Variants in RTN4 observed in about 807,000 individuals in gnomAD.
The protein encoded by RTN4 is reticulon 4, also known as reticulon-4.
In RTN4, 32 loss-of-function variants were observed where a neutral mutation model predicts 90.4. That is an observed-to-expected ratio of 0.35 (90% confidence interval 0.27 to 0.48). The LOEUF is 0.48. Among genes scored for constraint, RTN4 ranks in the 20% least tolerant of loss-of-function variants. RTN4 has a pLI of 0.99. For synonymous variants in RTN4, 629 were observed against 552.5 expected, an observed-to-expected ratio of 1.14 and a Z score of -1.94; for missense variants, 1,706 against 1,430.2, an observed-to-expected ratio of 1.19 and a Z score of -3.11.
chr2:55,111,795 T>C (rs866659001), intron 1 of RTN4, among the ~76,000 whole-genome samples: 23 of 152,284 alleles, frequency 1.5e-4, no homozygotes, highest in African/African-American at 4.8e-4. Context: ...TGAACAGATA[T>C]TCACTGAAAT....
chr2:55,075,326 A>G (rs1328315936), intron 2 of RTN4, among the ~76,000 whole-genome samples: 1 of 152,214 alleles, frequency 6.6e-6, no homozygotes, highest in Non-Finnish European at 1.5e-5. Flanking sequence ...CCCTTTTACA[A>G]TTGTTGCCAA....
At chr2:55,001,579 A>C (rs1173438639) in intron 3 of RTN4, among the ~76,000 whole-genome samples, 1 of 152,192 alleles carries the variant, frequency 6.6e-6, no homozygotes, top group African/African-American at 2.4e-5. Flanking sequence ...TCATTACCTA[A>C]ATGTCTTGTC....
At chr2:55,082,888 T>C (rs1225226394) in intron 1 of RTN4, among the ~76,000 whole-genome samples, 2 of 152,176 alleles carry the variant, frequency 1.3e-5, no homozygotes, top group South Asian at 2.1e-4. Flanking sequence ...AGCTAAGAAG[T>C]AGCATTTCTC....
intron 1 of RTN4, among the ~76,000 whole-genome samples, chr2:55,031,367 G>A (rs1038855796): frequency 2.0e-5 from 3 of 152,218 alleles, no homozygotes; most frequent in African/African-American, 7.2e-5. Context: ...TTGCTAAGCT[G>A]AGGAGGCTGA....
chr2:55,113,923 A>G (rs576887876), upstream of RTN4, among the ~76,000 whole-genome samples: 1 of 152,320 alleles, frequency 6.6e-6, no homozygotes, highest in African/African-American at 2.4e-5. Flanking sequence ...CTGCTTCTGA[A>G]CCTGGGTCCT....
rs1290579125 is a variant in RTN4 at position 55,009,378 on chromosome 2, T to C, written c.3013+15708A>G. On this transcript the variant is annotated intron_variant, in intron 3 of 8. Transcript: ENST00000337526. Reference sequence around the variant, plus strand: ...ATAAAATATTCTTTAAATATTCTAGTCAACATTTTACCATTTACAGGCTTA... The same window carrying C: ...ATAAAATATTCTTTAAATATTCTAGCCAACATTTTACCATTTACAGGCTTA... 2.0e-5 allele frequency among the ~76,000 whole-genome samples: 3 copies of C among 152,252 alleles called. No individual in the cohort carries two copies. The East Asian group carries it at 5.8e-4, about 29-fold the overall frequency.
intron 3 of RTN4, among the ~76,000 whole-genome samples, chr2:55,000,775 T>G (rs560028197): frequency 6.6e-6 from 1 of 152,166 alleles, no homozygotes. Flanking sequence ...CTCAAGTTTC[T>G]TTTTATGCTA....
At chr2:54,996,527 A>C (rs1036469457) in intron 3 of RTN4, among the ~76,000 whole-genome samples, 5 of 152,320 alleles carry the variant, frequency 3.3e-5, no homozygotes, top group African/African-American at 1.2e-4. Context: ...CCCAGAAATA[A>C]ACCATTACAT....
chr2:54,994,062 A>C (rs1170567995), intron 3 of RTN4, among the ~76,000 whole-genome samples: 1 of 152,248 alleles, frequency 6.6e-6, no homozygotes, highest in African/African-American at 2.4e-5. Flanking sequence ...TTAATAAAAA[A>C]ATTTTGAAAG....
At chr2:55,098,745 T>G (rs901188776) in intron 1 of RTN4, among the ~76,000 whole-genome samples, 2 of 152,152 alleles carry the variant, frequency 1.3e-5, no homozygotes, top group African/African-American at 4.8e-5. Context: ...TCTTTTAATC[T>G]ATAGGTTTCC....
At chr2:55,049,194 A>AGGAGGG in intron 1 of RTN4, 2 of 986,386 alleles carry the variant, frequency 2.0e-6, no homozygotes, top group Non-Finnish European at 2.4e-6. Context: ...CGAGCACAGG[A>AGGAGGG]GGAGGGGGAG....
the RTN4 span, among the ~76,000 whole-genome samples, chr2:55,128,726 T>C: frequency 1.2e-4 from 18 of 151,772 alleles, no homozygotes; most frequent in Non-Finnish European, 1.2e-4. Flanking sequence ...TATTAAAATA[T>C]CTGAAGCAGG....
Position 55,028,209 on chromosome 2 carries a change from A to G in RTN4, c.568T>C (p.Phe190Leu). The stretch of plus-strand genomic sequence containing the variant: ...GGCTCAGATGCAGCAGGAAGAGCAA[A>G]AAGGGTCTCATCTGAAAAACAAATA... ...GSSGSVDETL[F>L]ALPAASEPVI... Residue 190 changes from phenylalanine (F) to leucine (L), a missense_variant, in exon 2 of 9, where the codon TTT becomes CTT. Transcript: ENST00000337526. 6.2e-7 allele frequency: 1 copy of G among 1,613,022 alleles called. No individual in the cohort carries two copies. Among genetic ancestry groups the G allele is most frequent in the Non-Finnish European group, 8.5e-7 (1 of 1,179,398 alleles).
At chr2:55,036,327 C>T (rs185331465) in intron 1 of RTN4, among the ~76,000 whole-genome samples, 13 of 151,948 alleles carry the variant, frequency 8.6e-5, no homozygotes, top group African/African-American at 2.7e-4. Context: ...ATAGGTCGCA[C>T]GCAGTGGCTC....
At chr2:55,049,587 C>T (rs1015528357) in intron 1 of RTN4, 158 bp downstream of exon 1, 1 of 1,247,158 alleles carries the variant, frequency 8.0e-7, no homozygotes, top group Non-Finnish European at 1.1e-6. Context: ...CCACCCTTCT[C>T]CCCGCGCTTC....
chr2:54,993,132 A>T (rs1262703213), intron 3 of RTN4, among the ~76,000 whole-genome samples: 4 of 151,850 alleles, frequency 2.6e-5, no homozygotes, highest in Non-Finnish European at 2.9e-5. Flanking sequence ...GTCTGAAAGT[A>T]TATCTACTAA....
the RTN4 span, among the ~76,000 whole-genome samples, chr2:55,119,207 T>C: frequency 2.0e-5 from 3 of 152,218 alleles, no homozygotes; most frequent in Admixed American, 6.5e-5. Context: ...TGAAACGTTT[T>C]TTTCCTTATT....
intron 1 of RTN4, chr2:55,080,693 GAA>G (rs1668695040): frequency 6.6e-6 from 1 of 152,144 alleles, no homozygotes; most frequent in Non-Finnish European, 1.5e-5. Flanking sequence ...GTCTTTCTAA[GAA>G]AAGTTTTTAA....
chr2:55,098,573 A>C (rs1303814289), intron 1 of RTN4, among the ~76,000 whole-genome samples: 1 of 152,054 alleles, frequency 6.6e-6, no homozygotes, highest in Non-Finnish European at 1.5e-5. Flanking sequence ...TAAAACCATA[A>C]TATTATCACA....
Sources: allele counts gnomAD v4.1 joint callset (sites outside exome capture counted in the v4.1 genomes callset), GRCh38; gene constraint gnomAD v4.1.1; transcripts MANE v1.5; gene names NCBI Gene and HGNC (gene_info 2026-07-23, HGNC 2026-07-21).